LOC400499: variants seen among roughly 807,000 people sequenced by gnomAD.
At chr16:11,397,797 G>GGGATGGATGGATGGATGGAT in the LOC400499 span, among the ~76,000 whole-genome samples, 1 of 142,268 alleles carries the variant, frequency 7.0e-6, no homozygotes, top group African/African-American at 2.8e-5. Context: ...GAGGGAGGGA[G>GGGATGGATGGATGGATGGAT]GGATGGACGG....
the LOC400499 span, chr16:11,398,408 C>A: frequency 8.1e-7 from 1 of 1,232,288 alleles, no homozygotes; most frequent in Non-Finnish European, 1.0e-6. Flanking sequence ...CATAGTCAGT[C>A]TGTACTTCTC....
At chr16:11,523,451 C>A in the LOC400499 span, 2 of 398,750 alleles carry the variant, frequency 5.0e-6, no homozygotes, top group Non-Finnish European at 8.8e-6. Flanking sequence ...AGGCCACCTG[C>A]CCCACCTGCG....
the LOC400499 span, among the ~76,000 whole-genome samples, chr16:11,447,711 C>T: frequency 1.3e-5 from 2 of 152,134 alleles, no homozygotes; most frequent in East Asian, 1.9e-4. Context: ...GATGATGAGA[C>T]TCTTAACTCT....
the LOC400499 span, among the ~76,000 whole-genome samples, chr16:11,449,858 T>C: frequency 6.6e-6 from 1 of 152,184 alleles, no homozygotes; most frequent in African/African-American, 2.4e-5. Flanking sequence ...AAATCTGGCA[T>C]CTCCAGGATC....
At chr16:11,389,511 G>C in the LOC400499 span, among the ~76,000 whole-genome samples, 1 of 152,074 alleles carries the variant, frequency 6.6e-6, no homozygotes, top group East Asian at 1.9e-4. Flanking sequence ...GCAGAACCCT[G>C]TCTCTACTAA....
At chr16:11,520,867 G>A in the LOC400499 span, among the ~76,000 whole-genome samples, 6 of 152,100 alleles carry the variant, frequency 3.9e-5, no homozygotes, top group Non-Finnish European at 8.8e-5. Context: ...AACCTCCCAA[G>A]GGGCCAGAAA....
At chr16:11,490,424 G>C in the LOC400499 span, among the ~76,000 whole-genome samples, 1 of 150,826 alleles carries the variant, frequency 6.6e-6, no homozygotes, top group Non-Finnish European at 1.5e-5. Flanking sequence ...AAAAGTCCGG[G>C]CGCAGTGGCT....
the LOC400499 span, among the ~76,000 whole-genome samples, chr16:11,489,069 C>G: frequency 1.3e-5 from 2 of 152,222 alleles, no homozygotes; most frequent in South Asian, 2.1e-4. Flanking sequence ...ACTTGGAAAT[C>G]CAGCCCGTGT....
chr16:11,465,781 A>T, the LOC400499 span, among the ~76,000 whole-genome samples: 2 of 129,672 alleles, frequency 1.5e-5, no homozygotes, highest in African/African-American at 5.9e-5. Context: ...GTGGGCAGAG[A>T]GGGAAAAGAG....
chr16:11,402,549 C>G, the LOC400499 span, among the ~76,000 whole-genome samples: 1 of 152,204 alleles, frequency 6.6e-6, no homozygotes, highest in Non-Finnish European at 1.5e-5. Flanking sequence ...GAACCCCTGT[C>G]CAGCCACATG....
the LOC400499 span, among the ~76,000 whole-genome samples, chr16:11,394,334 C>A: frequency 6.6e-6 from 1 of 152,154 alleles, no homozygotes; most frequent in African/African-American, 2.4e-5. Context: ...AACACAAGCC[C>A]GGAGGAGGCC....
chr16:11,442,389 T>A, the LOC400499 span: 1 of 151,974 alleles, frequency 6.6e-6, no homozygotes, highest in Non-Finnish European at 1.5e-5. Flanking sequence ...CCTGGCTAAT[T>A]TTTTTTGTAT....
chr16:11,500,989 C>T, the LOC400499 span: 7 of 398,868 alleles, frequency 1.8e-5, no homozygotes, highest in Non-Finnish European at 2.7e-5. Context: ...TCAAGGCGAC[C>T]CACACGTGCT....
At chr16:11,514,324 G>A in the LOC400499 span, 1 of 399,144 alleles carries the variant, frequency 2.5e-6, no homozygotes, top group Non-Finnish European at 4.4e-6. Context: ...TCATGCCACG[G>A]CCAGGGGGTG....
the LOC400499 span, among the ~76,000 whole-genome samples, chr16:11,505,445 C>T: frequency 0.015 from 1,072 of 71,480 alleles, 8 homozygotes; most frequent in African/African-American, 0.029. Context: ...TTTTTCTTTT[C>T]TTTTTTTTTT....
At chr16:11,487,761 A>C in the LOC400499 span, among the ~76,000 whole-genome samples, 2 of 152,188 alleles carry the variant, frequency 1.3e-5, no homozygotes, top group Non-Finnish European at 2.9e-5. Flanking sequence ...TTAACACAGG[A>C]AAAAACACTT....
chr16:11,465,930 G>GA, the LOC400499 span, among the ~76,000 whole-genome samples: 2 of 152,168 alleles, frequency 1.3e-5, no homozygotes, highest in East Asian at 1.9e-4. Context: ...AAAGAAAAGA[G>GA]AAAAAACATA....
chr16:11,441,150 G>A, the LOC400499 span: 1 of 398,442 alleles, frequency 2.5e-6, no homozygotes, highest in Non-Finnish European at 4.4e-6. Flanking sequence ...GCTACCCTGG[G>A]AATCCAGTGG....
At chr16:11,401,624 G>C in the LOC400499 span, among the ~76,000 whole-genome samples, 2 of 152,234 alleles carry the variant, frequency 1.3e-5, no homozygotes, top group Non-Finnish European at 2.9e-5. Flanking sequence ...GCGAACACAG[G>C]ACAGAGATGG....
Sources: gnomAD v4.1 joint callset for allele counts (sites outside exome capture counted in the v4.1 genomes callset) on GRCh38, gnomAD v4.1.1 for gene constraint, MANE v1.5 for transcripts.